Variants in FSIP1 observed in about 807,000 individuals in gnomAD.
The protein encoded by FSIP1 is fibrous sheath interacting protein 1.
In FSIP1, 65 loss-of-function variants were observed where a neutral mutation model predicts 60.9. The observed-to-expected ratio is 1.07, with a 90% CI of 0.87 to 1.31. The LOEUF (loss-of-function observed/expected upper bound fraction) is 1.31. Ranked by LOEUF, FSIP1 falls within the 40% of genes most tolerant of loss-of-function variation. The probability of loss-of-function intolerance (pLI) is 0.00; values close to 1 mark genes in which losing one functional copy is unlikely to be tolerated. For missense variants in FSIP1, 675 were observed against 665.5 expected (o/e 1.01, Z -0.16); for synonymous variants, 209 against 221.2 (o/e 0.94, Z 0.49).
chr15:39,713,480 C>T lies in FSIP1; in HGVS notation c.1152G>A (p.Glu384=). 1 of 1,601,736 alleles carries T rather than the reference C, an allele frequency of 6.2e-7. No homozygotes were observed. The highest frequency in any genetic ancestry group is 1.1e-5 in the South Asian group (1 of 88,214). The change falls in exon 10 of 12, where the codon GAG becomes GAA. Residue 384 remains glutamate, a synonymous_variant. Coordinates refer to ENST00000350221, the MANE Select transcript of FSIP1 (RefSeq NM_152597.5). ...TCATCATTTTCAGCTTTTCATCAAT[C>T]TCTCTCAGCCGATTATGCAGATCGC... ...EQRDLHNRLR[E]IDEKLKMMKE...
At chr15:39,616,992 C>T (rs1891254556) in intron 11 of FSIP1, among the ~76,000 whole-genome samples, 1 of 152,122 alleles carries the variant, frequency 6.6e-6, no homozygotes, top group Non-Finnish European at 1.5e-5. Context: ...GATTTTGCTC[C>T]TGGGTGACTA....
chr15:39,610,185 A>G (rs1164250239), intron 11 of FSIP1, among the ~76,000 whole-genome samples: 1 of 152,220 alleles, frequency 6.6e-6, no homozygotes, highest in Non-Finnish European at 1.5e-5. Context: ...GGACACCATC[A>G]AGAAAACTAA....
At chr15:39,606,690 A>G (rs1890838577) in intron 11 of FSIP1, among the ~76,000 whole-genome samples, 1 of 152,178 alleles carries the variant, frequency 6.6e-6, no homozygotes, top group Non-Finnish European at 1.5e-5. Context: ...TGTTTTTCTT[A>G]AAGAATTAGT....
At chr15:39,736,389 A>C (rs1302594627) in intron 8 of FSIP1, among the ~76,000 whole-genome samples, 1 of 152,202 alleles carries the variant, frequency 6.6e-6, no homozygotes, top group Non-Finnish European at 1.5e-5. Context: ...TATTCTGTAG[A>C]TATGTTTTTG....
chr15:39,686,357 T>C (rs897176056), intron 10 of FSIP1, among the ~76,000 whole-genome samples: 2 of 152,148 alleles, frequency 1.3e-5, no homozygotes, highest in Non-Finnish European at 2.9e-5. Context: ...AATGAGAAAA[T>C]ACATTTTCAA....
At chr15:39,723,507 G>C (rs1896066736) in intron 9 of FSIP1, among the ~76,000 whole-genome samples, 1 of 152,246 alleles carries the variant, frequency 6.6e-6, no homozygotes, top group African/African-American at 2.4e-5. Context: ...GGGATTACAG[G>C]CGTGAGCCAC....
At chr15:39,773,405 A>T (rs1897952454) in intron 2 of FSIP1, among the ~76,000 whole-genome samples, 1 of 152,260 alleles carries the variant, frequency 6.6e-6, no homozygotes. Flanking sequence ...GCCAAAGTCC[A>T]GATTGGCTAA....
chr15:39,681,668 G>GA (rs1260764724), intron 10 of FSIP1, among the ~76,000 whole-genome samples: 4 of 152,000 alleles, frequency 2.6e-5, no homozygotes, highest in Non-Finnish European at 5.9e-5. Flanking sequence ...AGAGTTAAGT[G>GA]AAAAAAATTG....
chr15:39,716,858 A>C (rs1175159642), intron 9 of FSIP1, among the ~76,000 whole-genome samples: 6 of 117,510 alleles, frequency 5.1e-5, no homozygotes, highest in African/African-American at 2.0e-4. Context: ...CTCTGTTGCC[A>C]GGCTGGAGTG....
At chr15:39,642,041 T>C (rs931966423) in intron 10 of FSIP1, among the ~76,000 whole-genome samples, 13 of 152,226 alleles carry the variant, frequency 8.5e-5, no homozygotes, top group Non-Finnish European at 1.9e-4. Context: ...ATTTGATATT[T>C]TGCTATAAAG....
At chr15:39,655,676 G>A (rs933353668) in intron 10 of FSIP1, among the ~76,000 whole-genome samples, 1 of 152,114 alleles carries the variant, frequency 6.6e-6, no homozygotes, top group Non-Finnish European at 1.5e-5. Flanking sequence ...ACTAGTTGCT[G>A]GTATGCAGCT....
At position 39,638,442 on chromosome 15, in the gene FSIP1, C is replaced by A. The variant is rs187447092; in HGVS notation, c.1189-20197G>T. On this transcript the variant is annotated intron_variant, in intron 10 of 11. Transcript: ENST00000350221. ...AGTGAGTACTCAGTGATTTTAGACG[C>A]TTTGCCATTGGTGAGGAGCAGGGAA... Among the ~76,000 whole-genome samples the A allele has an allele frequency of 4.6e-4, 70 of 152,278 alleles. 3 individuals are homozygous for A. In the East Asian group the frequency reaches 0.013, roughly 28 times the overall value.
intron 9 of FSIP1, among the ~76,000 whole-genome samples, chr15:39,719,069 A>G (rs1895856482): frequency 6.6e-6 from 1 of 152,228 alleles, no homozygotes; most frequent in Non-Finnish European, 1.5e-5. Context: ...GCATAACCAT[A>G]TAGTTCAAAT....
At chr15:39,598,708 T>C (rs946193474), downstream of FSIP1, 8 of 152,194 alleles carry the variant, frequency 5.3e-5, no homozygotes, top group Non-Finnish European at 1.2e-4. Context: ...ATCGAGATGA[T>C]AGCTTTTTTC....
intron 8 of FSIP1, among the ~76,000 whole-genome samples, chr15:39,732,046 T>C (rs763695711): frequency 2.0e-5 from 3 of 152,030 alleles, no homozygotes; most frequent in Non-Finnish European, 4.4e-5. Context: ...GAAAGGATGG[T>C]TTCAGGATGA....
At chr15:39,763,490 C>A (rs961695793) in intron 5 of FSIP1, among the ~76,000 whole-genome samples, 2 of 152,068 alleles carry the variant, frequency 1.3e-5, no homozygotes, top group African/African-American at 2.4e-5. Flanking sequence ...GGCTCATAAG[C>A]AGTTAGGGAA....
At chr15:39,687,705 A>G (rs543869934) in intron 10 of FSIP1, among the ~76,000 whole-genome samples, 1 of 152,278 alleles carries the variant, frequency 6.6e-6, no homozygotes, top group African/African-American at 2.4e-5. Flanking sequence ...AAACCTACCC[A>G]TGGTGTTTGT....
chr15:39,610,958 C>T (rs1227743924), intron 11 of FSIP1, among the ~76,000 whole-genome samples: 1 of 152,104 alleles, frequency 6.6e-6, no homozygotes, highest in African/African-American at 2.4e-5. Flanking sequence ...ACTAGGCCTG[C>T]CTAACAGGAA....
intron 6 of FSIP1, 27 bp from the exon 7 acceptor site, chr15:39,739,816 T>C (rs188638136): frequency 2.8e-6 from 4 of 1,446,642 alleles, no homozygotes; most frequent in South Asian, 1.3e-5. Flanking sequence ...TCAAAATTTT[T>C]TCATAATTAA....
Sources: gnomAD v4.1 joint callset for allele counts (sites outside exome capture counted in the v4.1 genomes callset) on GRCh38, gnomAD v4.1.1 for gene constraint, MANE v1.5 for transcripts, NCBI Gene and HGNC (gene_info 2026-07-23, HGNC 2026-07-21) for gene names.